The following INTS1 variants were observed in gnomAD, a reference collection of about 807,000 sequenced individuals.
INTS1 encodes the protein integrator complex subunit 1.
In INTS1, 137 loss-of-function variants were observed where a neutral mutation model predicts 241.6. The observed-to-expected ratio is 0.57, with a 90% CI of 0.49 to 0.65. INTS1 has a LOEUF of 0.65. Ranked by LOEUF, INTS1 falls within the 30% of genes least tolerant of loss-of-function variation. INTS1 has a pLI of 0.00. For missense variants in INTS1, 3,073 were observed against 3,032.2 expected, an observed-to-expected ratio of 1.01 and a Z score of -0.32; for synonymous variants, 1,692 against 1,337.8, an observed-to-expected ratio of 1.26 and a Z score of -5.78.
rs58626579 is a variant in INTS1, at chr7:1,493,613, TC to T, written c.2068+140del. 462,541 of 1,078,782 alleles carry T rather than the reference TC, an allele frequency of 0.43. 102,068 individuals are homozygous for T. The highest frequency in any genetic ancestry group is 0.74 in the East Asian group (26,642 of 36,224). The allele number at this position is 1,078,782 out of a possible 1,614,324, so 66.8% of individuals were successfully genotyped here. A position where few individuals can be genotyped will look rare whatever the true frequency, so the allele number is the denominator to read the frequency against. On this transcript the variant is annotated intron_variant, in intron 15 of 47. Transcript: ENST00000404767. This position sits in a 1 kb window ranked among gnomAD's most constrained non-coding sequence, Gnocchi z 5.3. ...CAACGGCAGATGTGGAGAAGGCAGG[TC>T]CCCGAGCCTCCCGGGGACCCAGGAC...
chr7:1,494,615 G>A lies in INTS1; in HGVS notation c.1910+201C>T, dbSNP rs1583148789. 4.1e-5 allele frequency: 26 copies of A among 626,900 alleles called. No individual in the cohort carries two copies. The East Asian group carries it at 7.2e-4, about 17-fold the overall frequency. 38.8% of individuals were successfully genotyped at this position (626,900 alleles called of 1,614,324 possible). A position where few individuals can be genotyped will look rare whatever the true frequency, so the allele number is the denominator to read the frequency against. Reference sequence around the variant, plus strand: ...AGTCACGTGGACGCAGACGGCAGCTGAATCCCTACAGTGGCGCTGGGACGC... The same window carrying A: ...AGTCACGTGGACGCAGACGGCAGCTAAATCCCTACAGTGGCGCTGGGACGC... On this transcript the variant is annotated intron_variant, in intron 14 of 47. Coordinates refer to ENST00000404767, the MANE Select transcript of INTS1 (RefSeq NM_001080453.3).
In INTS1 at chr7:1,470,481, G is replaced by A. The variant is rs1364099441; in HGVS notation, c.*96C>T. On this transcript the variant is annotated 3_prime_UTR_variant, in exon 48 of 48. Coordinates refer to ENST00000404767, the MANE Select transcript of INTS1 (RefSeq NM_001080453.3). ...AGGGCTCGGCGCCCTCACCTCCTCGGACAGACCAGCAACGCCCACGCTTCC... is the reference window on the plus strand; with the variant it reads ...AGGGCTCGGCGCCCTCACCTCCTCGAACAGACCAGCAACGCCCACGCTTCC... 2.0e-6 allele frequency: 2 copies of A among 988,382 alleles called. No homozygotes were observed. The highest frequency in any genetic ancestry group is 2.7e-5 in the East Asian group (1 of 36,968). 61.2% of individuals were successfully genotyped at this position (988,382 alleles called of 1,614,324 possible). A position where few individuals can be genotyped will look rare whatever the true frequency, so the allele number is the denominator to read the frequency against.
chr7:1,482,312 A>C, intron 27 of INTS1: 1 of 421,630 alleles, frequency 2.4e-6, no homozygotes, highest in Non-Finnish European at 4.2e-6. Flanking sequence ...TAGACCCCTG[A>C]GCCTGACAGT....
In INTS1 at chr7:1,479,682, A is replaced by T; in HGVS notation, c.4077T>A (p.Ile1359=). The part of the protein sequence containing the change: ...EDDLAGMFLQ[I]FPLSPDPRWQ... Reference sequence around the variant, plus strand: ...ACCGAGGGTCCGGGCTGAGCGGGAAAATCTGGAACGGGGAAGGCCAGTGTC... The same window carrying T: ...ACCGAGGGTCCGGGCTGAGCGGGAATATCTGGAACGGGGAAGGCCAGTGTC... The change falls in exon 31 of 48, where the codon ATT becomes ATA. Residue 1359 remains isoleucine, a splice_region_variant and synonymous_variant. Coordinates refer to ENST00000404767, the MANE Select transcript of INTS1 (RefSeq NM_001080453.3). The T allele has an allele frequency of 1.4e-6, 2 of 1,464,060 alleles. No individual in the cohort carries two copies. The highest frequency in any genetic ancestry group is 2.8e-5 in the South Asian group (2 of 71,260). 90.7% of individuals were successfully genotyped at this position (1,464,060 alleles called of 1,614,324 possible).
rs1370571557 is a variant in INTS1, at chr7:1,500,318, C to T, written c.398G>A (p.Gly133Asp). ...CACGCCCTCGATCCTGTCATCGTTG[C>T]CCTCCAGCTCGGCCGCCTCGATCTC... is the stretch of plus-strand genomic sequence containing the variant. ...LDEIEAAELE[G>D]NDDRIEGVLC... is the part of the protein sequence containing the mutation. Residue 133 changes from glycine (G) to aspartate (D), a missense_variant, in exon 4 of 48, where the codon GGC (glycine) becomes GAC (aspartate). Gly to Asp is a moderately conservative substitution (Grantham distance 94, BLOSUM62 -1). Coordinates refer to ENST00000404767, the MANE Select transcript of INTS1 (RefSeq NM_001080453.3). 1.9e-6 allele frequency: 3 copies of T among 1,591,220 alleles called. No homozygotes were observed. The South Asian group carries it at 3.4e-5, about 18-fold the overall frequency.
intron 8 of INTS1, 32 bp downstream of exon 8, chr7:1,498,943 G>GGCCCCCCCCCCCCCCCCCC: frequency 9.3e-7 from 1 of 1,070,742 alleles, no homozygotes; most frequent in Non-Finnish European, 1.3e-6. Flanking sequence ...CCCACCCCCT[G>GGCCCCCCCCCCCCCCCCCC]CCCCGCCCAC....
At chr7:1,477,416 G>A in intron 35 of INTS1, 134 bp downstream of exon 35, 2 of 1,041,466 alleles carry the variant, frequency 1.9e-6, no homozygotes, top group Non-Finnish European at 2.7e-6. Context: ...GTTGCTACAG[G>A]GACACATGGC....
Position 1,473,654 on chromosome 7 carries a change from T to G in INTS1, c.5869A>C (p.Asn1957His), listed in dbSNP as rs745863769. ...KSSRHLAAFI[N>H]KFVQFIHKYI... ...TTATGGATGAACTGCACAAACTTGT[T>G]GATGAAGGCAGCCAGATGGCGGGAG... Residue 1957 changes from asparagine (N) to histidine (H), a missense_variant, in exon 42 of 48, where the codon AAC (asparagine) becomes CAC (histidine). Asn to His is a moderately conservative substitution (Grantham distance 68). Coordinates refer to ENST00000404767, the MANE Select transcript of INTS1 (RefSeq NM_001080453.3). The G allele has an allele frequency of 6.2e-7, 1 of 1,613,432 alleles. No homozygotes were observed. The highest frequency in any genetic ancestry group is 1.7e-4 in the Middle Eastern group (1 of 6,060).
In INTS1 at chr7:1,499,951, A is replaced by C; in HGVS notation, c.617T>G (p.Val206Gly). The change falls in exon 5 of 48, where the codon GTG becomes GGG. Residue 206 changes from valine (V) to glycine (G), a missense_variant. Physicochemically the swap from Val to Gly is moderately radical, Grantham distance 109. Coordinates refer to ENST00000404767, the MANE Select transcript of INTS1 (RefSeq NM_001080453.3). ...FKAKGNSLVS[V>G]LACNLLMAAY... is the part of the protein sequence containing the mutation. ...GGCCATGAGGAGGTTACAGGCCAGC[A>C]CAGACACCAGGCTGTTCCCCTTGGC... The C allele has an allele frequency of 6.2e-7, 1 of 1,613,674 alleles. No individual in the cohort carries two copies. Among genetic ancestry groups the C allele is most frequent in the East Asian group, 2.2e-5 (1 of 44,882 alleles).
chr7:1,504,243 C>G lies in INTS1; in HGVS notation c.-42+80G>C, dbSNP rs1336583806. ...GAGGCGGCAGAACCAGAAGGGACGG[C>G]CCAGAGGCCGGGAGCGGTAGCCGGG... On this transcript the variant is annotated intron_variant, in intron 1 of 47. Transcript: ENST00000404767. The G allele has an allele frequency of 5.1e-6, 3 of 588,804 alleles. No homozygotes were observed. The African/African-American group carries it at 5.9e-5, about 12-fold the overall frequency. The allele number at this position is 588,804 out of a possible 1,614,324, so 36.5% of individuals were successfully genotyped here. A position where few individuals can be genotyped will look rare whatever the true frequency, so the allele number is the denominator to read the frequency against.
Position 1,487,440 on chromosome 7 carries a change from G to T in INTS1, c.2526C>A (p.Pro842=). 1 of 1,611,416 alleles carries T rather than the reference G, an allele frequency of 6.2e-7. No homozygotes were observed. Among genetic ancestry groups the T allele is most frequent in the South Asian group, 1.1e-5 (1 of 90,848 alleles). The change falls in exon 20 of 48, where the codon CCC becomes CCA. Residue 842 remains proline (P), a synonymous_variant. Coordinates refer to ENST00000404767, the MANE Select transcript of INTS1 (RefSeq NM_001080453.3). ...CCAGGATGTGAGGGGGAGGCCTCCG[G>T]GGGGGCCCCCTGAGGGCCACAGGGG... is the stretch of plus-strand genomic sequence containing the variant. ...QLTSLDPQGP[P]RRPPPHILDQ... is the part of the protein sequence containing the mutation.
chr7:1,483,020 A>G (rs1782069532), intron 26 of INTS1: 2 of 329,906 alleles, frequency 6.1e-6, no homozygotes, highest in Non-Finnish European at 1.1e-5. Context: ...GGTCCCATCC[A>G]GCTCTCTGGC....
Position 1,497,018 on chromosome 7 carries a change from T to A in INTS1, c.1602+120A>T. 9.7e-7 allele frequency: 1 copy of A among 1,035,606 alleles called. No individual in the cohort carries two copies. The allele number at this position is 1,035,606 out of a possible 1,614,324, so 64.2% of individuals were successfully genotyped here. On this transcript the variant is annotated intron_variant, in intron 11 of 47. Coordinates refer to ENST00000404767, the MANE Select transcript of INTS1 (RefSeq NM_001080453.3). This position sits in a 1 kb window ranked among gnomAD's most constrained non-coding sequence, Gnocchi z 5.3. ...CCGCAAACAGCCTCACTCATCCCCG[T>A]ACCCACGCTCAGCCAGAGCATCCGA... is the stretch of plus-strand genomic sequence containing the variant.
chr7:1,492,308 G>A (rs918620073), intron 16 of INTS1, among the ~76,000 whole-genome samples: 3 of 152,152 alleles, frequency 2.0e-5, no homozygotes, highest in African/African-American at 4.8e-5. Context: ...AGGTGACCCC[G>A]GAAAGAGCAT....
At chr7:1,495,173 C>T (rs919553029) in intron 13 of INTS1, among the ~76,000 whole-genome samples, 3 of 152,248 alleles carry the variant, frequency 2.0e-5, no homozygotes, top group African/African-American at 7.2e-5. Context: ...CCCACCCCAA[C>T]CAAGGCAGAG....
chr7:1,480,236 CT>C, intron 30 of INTS1, 80 bp downstream of exon 30: 1 of 1,474,528 alleles, frequency 6.8e-7, no homozygotes, highest in Non-Finnish European at 9.1e-7. Context: ...GTAAAGGCCG[CT>C]GTGCGTGCGA....
intron 11 of INTS1, among the ~76,000 whole-genome samples, chr7:1,496,608 G>A (rs1180941636): frequency 2.0e-5 from 3 of 152,162 alleles, no homozygotes; most frequent in Non-Finnish European, 4.4e-5. Context: ...AGAGGGGCCT[G>A]ACAGGAGGGG....
rs766551624 is a variant in INTS1, at chr7:1,481,323, CA to C, written c.3850+18del. 18 of 1,612,574 alleles carry C rather than the reference CA, an allele frequency of 1.1e-5. No homozygotes were observed. The South Asian group carries it at 1.9e-4, about 17-fold the overall frequency. ...GGTCAGCGTGTGTGAACCCACTCCG[CA>C]GGTCCCTGGCATCTTACTCTTGTCC... On this transcript the variant is annotated intron_variant, in intron 28 of 47. Coordinates refer to ENST00000404767, the MANE Select transcript of INTS1 (RefSeq NM_001080453.3). The surrounding 1 kb of genome is among the most constrained non-coding windows in gnomAD (Gnocchi z 6.8).
At position 1,502,996 on chromosome 7, in the gene INTS1, G is replaced by A. The variant is rs1405846448; in HGVS notation, c.254C>T (p.Pro85Leu). ...AGCCAGGCGCCCCAGGGCACTCAGAGGGGGTGTGGAGGAGAGTTTGGGGCG... is the reference window on the plus strand; with the variant it reads ...AGCCAGGCGCCCCAGGGCACTCAGAAGGGGTGTGGAGGAGAGTTTGGGGCG... ...TKRPKLSSTP[P>L]LSALGRLAEA... The change falls in exon 3 of 48, where the codon CCT becomes CTT. Residue 85 changes from proline to leucine, a missense_variant. Physicochemically the swap from Pro to Leu is moderately conservative, Grantham distance 98. Transcript: ENST00000404767. 3.1e-6 allele frequency: 5 copies of A among 1,613,842 alleles called. No homozygotes were observed. The highest frequency in any genetic ancestry group is 2.2e-5 in the East Asian group (1 of 44,872).
Sources: gnomAD v4.1 joint callset for allele counts (sites outside exome capture counted in the v4.1 genomes callset) on GRCh38, gnomAD v4.1.1 for gene constraint, Gnocchi (gnomAD v3.1) non-coding constraint, MANE v1.5 for transcripts, NCBI Gene and HGNC (gene_info 2026-07-23, HGNC 2026-07-21) for gene names.